ASAP1: variants seen among roughly 807,000 people sequenced by gnomAD.
ASAP1 encodes arf-GAP with SH3 domain, ANK repeat and PH domain-containing protein 1.
In ASAP1, 43 loss-of-function variants were observed where a neutral mutation model predicts 145.2. That is an observed-to-expected ratio of 0.30 (90% CI 0.23 to 0.38). The LOEUF (loss-of-function observed/expected upper bound fraction) is 0.38. Among genes scored for constraint, ASAP1 ranks in the 10% least tolerant of loss-of-function variants. The pLI is 1.00. For synonymous variants in ASAP1, 546 were observed against 515.5 expected, an observed-to-expected ratio of 1.06 and a Z score of -0.80; for missense variants, 1,018 against 1,355.3, an observed-to-expected ratio of 0.75 and a Z score of 3.91.
intron 7 of ASAP1, among the ~76,000 whole-genome samples, chr8:130,183,077 A>T (rs1162693870): frequency 1.3e-5 from 2 of 152,134 alleles, no homozygotes; most frequent in East Asian, 3.9e-4. Context: ...AGAAGTTTCC[A>T]GGAGTGATGA....
intron 3 of ASAP1, among the ~76,000 whole-genome samples, chr8:130,321,219 G>C (rs1241657161): frequency 6.6e-6 from 1 of 152,120 alleles, no homozygotes; most frequent in African/African-American, 2.4e-5. Context: ...TGGCTACAGA[G>C]ACAGGTGACT....
intron 12 of ASAP1, among the ~76,000 whole-genome samples, chr8:130,156,261 C>T (rs2097658044): frequency 6.6e-6 from 1 of 152,196 alleles, no homozygotes; most frequent in South Asian, 2.1e-4. Flanking sequence ...AGTCTGTTTT[C>T]ATGTATAAGC....
At chr8:130,265,815 T>C (rs1330938377) in intron 3 of ASAP1, among the ~76,000 whole-genome samples, 1 of 152,064 alleles carries the variant, frequency 6.6e-6, no homozygotes, top group East Asian at 1.9e-4. Flanking sequence ...AGGTCGAGGC[T>C]GAAGAGCCAA....
chr8:130,311,775 A>AAAAAAAAAAAAAAAAAAAC (rs796803091), intron 3 of ASAP1, among the ~76,000 whole-genome samples: 2 of 148,574 alleles, frequency 1.3e-5, no homozygotes, highest in East Asian at 4.1e-4. Flanking sequence ...AAAAAAAAAA[A>AAAAAAAAAAAAAAAAAAAC]GGCAAAATAA....
intron 23 of ASAP1, among the ~76,000 whole-genome samples, chr8:130,114,485 G>A (rs1437309357): frequency 6.6e-6 from 1 of 152,240 alleles, no homozygotes; most frequent in Non-Finnish European, 1.5e-5. Context: ...TGCTCTGGGT[G>A]TGAGTGAAGG....
intron 3 of ASAP1, among the ~76,000 whole-genome samples, chr8:130,284,556 A>C (rs982723560): frequency 1.3e-5 from 2 of 152,074 alleles, no homozygotes; most frequent in Non-Finnish European, 2.9e-5. Context: ...TACAGCCAGG[A>C]TTTATGAAGA....
intron 3 of ASAP1, among the ~76,000 whole-genome samples, chr8:130,332,240 G>C (rs1018713654): frequency 2.0e-5 from 3 of 152,156 alleles, no homozygotes; most frequent in Non-Finnish European, 2.9e-5. Context: ...TGAAGATGTT[G>C]AGTGCTTGTT....
Position 130,169,216 on chromosome 8 carries a change from T to C in ASAP1, c.747-149A>G, listed in dbSNP as rs1586500747. ...TATATATACTCATTCTCTATGGATT[T>C]ATCTATACAAGACAGTTATAAAACT... On this transcript the variant is annotated intron_variant, in intron 9 of 29. Transcript: ENST00000518721. 8 of 486,176 alleles carry C rather than the reference T, an allele frequency of 1.6e-5. No individual in the cohort carries two copies. In the Admixed American group the frequency reaches 1.9e-4, roughly 12 times the overall value. 30.1% of individuals were successfully genotyped at this position (486,176 alleles called of 1,614,324 possible). A position where few individuals can be genotyped will look rare whatever the true frequency, so the allele number is the denominator to read the frequency against.
At chr8:130,282,069 G>GAA (rs36024310) in intron 3 of ASAP1, among the ~76,000 whole-genome samples, 4 of 128,022 alleles carry the variant, frequency 3.1e-5, no homozygotes, top group Non-Finnish European at 3.3e-5. Context: ...ACTCTGCCTC[G>GAA]AAAAAAAAAA....
intron 14 of ASAP1, 136 bp downstream of exon 14, chr8:130,136,815 A>G: frequency 1.4e-6 from 1 of 739,292 alleles, no homozygotes; most frequent in Non-Finnish European, 2.4e-6. Context: ...ATCTTCCTAG[A>G]GCAGCACATG....
At chr8:130,118,780 G>A (rs540631603) in intron 18 of ASAP1, 105 bp from the exon 19 acceptor site, 111 of 809,714 alleles carry the variant, frequency 1.4e-4, no homozygotes, top group Non-Finnish European at 1.8e-4. Flanking sequence ...ATTAAGATAC[G>A]CTTCTTTTCA....
At chr8:130,145,602 G>A (rs1317673305) in intron 13 of ASAP1, among the ~76,000 whole-genome samples, 1 of 152,194 alleles carries the variant, frequency 6.6e-6, no homozygotes, top group Non-Finnish European at 1.5e-5. Flanking sequence ...GCCTCACACA[G>A]AAAGGGCAGT....
At chr8:130,191,432 A>T (rs986757066) in intron 5 of ASAP1, among the ~76,000 whole-genome samples, 1 of 152,218 alleles carries the variant, frequency 6.6e-6, no homozygotes, top group African/African-American at 2.4e-5. Flanking sequence ...CTGTCCATCC[A>T]TCCATCATTA....
At chr8:130,265,193 T>C (rs1429749555) in intron 3 of ASAP1, among the ~76,000 whole-genome samples, 2 of 152,134 alleles carry the variant, frequency 1.3e-5, no homozygotes, top group Admixed American at 6.5e-5. Flanking sequence ...GAGATGCTCA[T>C]AAATGTTTCT....
At chr8:130,092,800 G>A (rs11779191) in intron 24 of ASAP1, among the ~76,000 whole-genome samples, 8,622 of 152,084 alleles carry the variant, frequency 0.057, 330 homozygotes, top group Non-Finnish European at 0.082. Flanking sequence ...ACCACTACCA[G>A]CAAAATCAAC....
intron 3 of ASAP1, among the ~76,000 whole-genome samples, chr8:130,320,952 C>T (rs1823967114): frequency 1.3e-5 from 2 of 152,178 alleles, no homozygotes; most frequent in Admixed American, 1.3e-4. Context: ...GGGCTAGCCA[C>T]CTATCTAACT....
At chr8:130,293,567 C>T (rs1250559534) in intron 3 of ASAP1, among the ~76,000 whole-genome samples, 1 of 152,122 alleles carries the variant, frequency 6.6e-6, no homozygotes, top group African/African-American at 2.4e-5. Context: ...ACAGCAGGGC[C>T]AAAAGTAGTA....
intron 24 of ASAP1, among the ~76,000 whole-genome samples, chr8:130,099,957 T>C (rs117746065): frequency 2.5e-3 from 387 of 152,330 alleles, no homozygotes; most frequent in Non-Finnish European, 4.9e-3. Flanking sequence ...CTACTGTAAA[T>C]AGCACTGCAG....
intron 3 of ASAP1, among the ~76,000 whole-genome samples, chr8:130,311,684 C>G (rs1823352100): frequency 7.1e-6 from 1 of 141,752 alleles, no homozygotes; most frequent in African/African-American, 2.7e-5. Context: ...TCGCTTGAAC[C>G]CGGGAGGCGG....
Sources: allele counts gnomAD v4.1 joint callset (sites outside exome capture counted in the v4.1 genomes callset), GRCh38; gene constraint gnomAD v4.1.1; transcripts MANE v1.5; gene names NCBI Gene and HGNC (gene_info 2026-07-23, HGNC 2026-07-21).